Variants in ZNF160 observed in about 807,000 individuals in gnomAD.
The protein encoded by ZNF160 is zinc finger protein 160, also known as KRAB zinc finger protein KR18.
ZNF160 carries 9 observed loss-of-function variants against 13.1 expected under a neutral mutation model. The observed-to-expected ratio is 0.69, with a 90% CI of 0.41 to 1.20. The LOEUF is 1.20. Among genes scored for constraint, ZNF160 ranks in the 50% most tolerant of loss-of-function variants. ZNF160 has a pLI of 0.01. For missense variants in ZNF160, 838 were observed against 988.0 expected, an observed-to-expected ratio of 0.85 and a Z score of 2.04; for synonymous variants, 293 against 333.2, an observed-to-expected ratio of 0.88 and a Z score of 1.31.
chr19:53,092,158 T>C (rs868616311), intron 1 of ZNF160, among the ~76,000 whole-genome samples: 4 of 152,288 alleles, frequency 2.6e-5, no homozygotes, highest in South Asian at 4.1e-4. Flanking sequence ...CCAAAGAACA[T>C]AGATTACAAT....
intron 1 of ZNF160, among the ~76,000 whole-genome samples, chr19:53,094,554 T>C (rs1397857496): frequency 6.6e-6 from 1 of 152,186 alleles, no homozygotes; most frequent in Non-Finnish European, 1.5e-5. Context: ...AATGGTAGGA[T>C]GCCTGTCTCC....
intron 2 of ZNF160, among the ~76,000 whole-genome samples, chr19:53,090,768 C>T (rs531780207): frequency 6.6e-6 from 1 of 152,280 alleles, no homozygotes; most frequent in African/African-American, 2.4e-5. Flanking sequence ...GACTCTCTTG[C>T]ACCGGAGCTG....
Position 53,070,167 on chromosome 19 carries a change from T to G in ZNF160, c.367A>C (p.Ser123Arg). The G allele has an allele frequency of 6.2e-7, 1 of 1,614,132 alleles. No homozygotes were observed. The highest frequency in any genetic ancestry group is 2.2e-5 in the East Asian group (1 of 44,878). The change falls in exon 6 of 6, where the codon AGC becomes CGC. Residue 123 changes from serine to arginine, a missense_variant. By Grantham distance (110) the Ser-to-Arg change is moderately radical (BLOSUM62 -1). Coordinates refer to ENST00000683776, the MANE Select transcript of ZNF160 (RefSeq NM_001322131.2). ...AAGGAAAAGTCTTCAATGTCAGGGCTTTCGTGTCTTTCCAACACCACTGTG... is the reference window on the plus strand; with the variant it reads ...AAGGAAAAGTCTTCAATGTCAGGGCGTTCGTGTCTTTCCAACACCACTGTG... ...FHTVVLERHESPDIEDFSFKE... is the reference protein window; with the variant it reads ...FHTVVLERHERPDIEDFSFKE...
intron 1 of ZNF160, among the ~76,000 whole-genome samples, chr19:53,101,435 A>T (rs1044177223): frequency 4.7e-4 from 64 of 136,892 alleles, no homozygotes; most frequent in Non-Finnish European, 8.2e-4. Flanking sequence ...TATATATATT[A>T]TTTAATATGT....
intron 5 of ZNF160, among the ~76,000 whole-genome samples, chr19:53,073,923 C>A (rs1159558929): frequency 6.6e-6 from 1 of 152,098 alleles, no homozygotes; most frequent in Non-Finnish European, 1.5e-5. Context: ...GTAGCTGGGA[C>A]TACAGGCACA....
chr19:53,094,479 G>T (rs1431538276), intron 1 of ZNF160, among the ~76,000 whole-genome samples: 2 of 152,092 alleles, frequency 1.3e-5, no homozygotes, highest in African/African-American at 2.4e-5. Context: ...GCCCCACAGG[G>T]ACCATCCGCT....
intron 3 of ZNF160, chr19:53,075,790 A>G (rs2084365915): frequency 1.9e-6 from 1 of 518,916 alleles, no homozygotes. Flanking sequence ...AAGCAAACTA[A>G]TCAATTTCAA....
At chr19:53,100,721 G>A (rs1005134454) in intron 1 of ZNF160, among the ~76,000 whole-genome samples, 1 of 151,124 alleles carries the variant, frequency 6.6e-6, no homozygotes, top group Non-Finnish European at 1.5e-5. Flanking sequence ...GATGGCCGGC[G>A]TAGTGGCTCA....
chr19:53,069,488 G>A lies in ZNF160; in HGVS notation c.1046C>T (p.Ala349Val). The A allele has an allele frequency of 6.2e-7, 1 of 1,613,862 alleles. No homozygotes were observed. The highest frequency in any genetic ancestry group is 1.1e-5 in the South Asian group (1 of 91,060). The part of the protein sequence containing the change: ...KPYKCNECGK[A>V]FRGHSNLTTH... ...AGTTAGGTTTGAATGTCCTCTAAAG[G>A]CTTTTCCACACTCATTACACTTGTA... Residue 349 changes from alanine to valine, a missense_variant, in exon 6 of 6, where the codon GCC becomes GTC. Physicochemically the swap from Ala to Val is moderately conservative, Grantham distance 64. Transcript: ENST00000683776. This position sits in a 1 kb window ranked among gnomAD's most constrained non-coding sequence, Gnocchi z 4.4.
intron 2 of ZNF160, among the ~76,000 whole-genome samples, chr19:53,090,674 T>G (rs954030219): frequency 3.3e-5 from 5 of 151,974 alleles, no homozygotes; most frequent in Non-Finnish European, 4.4e-5. Context: ...GCCTGCAGGA[T>G]AGAGGGCAAG....
chr19:53,099,255 A>C (rs944542914), intron 1 of ZNF160, among the ~76,000 whole-genome samples: 4 of 152,304 alleles, frequency 2.6e-5, no homozygotes, highest in Middle Eastern at 3.4e-3. Flanking sequence ...GCTAGACCCG[A>C]AGGAGAAGAA....
chr19:53,075,666 C>G (rs1461751872), intron 3 of ZNF160: 12 of 506,766 alleles, frequency 2.4e-5, no homozygotes, highest in Non-Finnish European at 4.8e-5. Context: ...TCACTCCTTT[C>G]CCATATCTCA....
At chr19:53,098,764 G>C (rs1427581700) in intron 1 of ZNF160, among the ~76,000 whole-genome samples, 2 of 151,368 alleles carry the variant, frequency 1.3e-5, no homozygotes, top group African/African-American at 4.9e-5. Flanking sequence ...CAAAGCCCCT[G>C]CCCAGGATGG....
chr19:53,070,992 T>G (rs868443725), intron 5 of ZNF160, among the ~76,000 whole-genome samples: 9 of 151,642 alleles, frequency 5.9e-5, no homozygotes, highest in African/African-American at 1.4e-4. Context: ...GGTCAGGAGA[T>G]TGAGTCCAGC....
At position 53,096,727 on chromosome 19, in the gene ZNF160, G is replaced by A. The variant is rs1006766533; in HGVS notation, c.-353-5007C>T. Among the ~76,000 whole-genome samples, 33 of 127,434 alleles carry A rather than the reference G, an allele frequency of 2.6e-4. 10 individuals carry two copies. Among genetic ancestry groups the A allele is most frequent in the Admixed American group, 7.7e-4 (10 of 13,056 alleles). 83.6% of individuals were successfully genotyped at this position (127,434 alleles called of 152,430 possible). A position where few individuals can be genotyped will look rare whatever the true frequency, so the allele number is the denominator to read the frequency against. On this transcript the variant is annotated intron_variant, in intron 1 of 5. Transcript: ENST00000683776. ...AGAAAGGCAGGCAGGAGACCTGAGG[G>A]AGGGGAGAAAGGAGAGAGACAAACA...
At chr19:53,075,369 G>A in intron 3 of ZNF160, 186 bp from the exon 4 acceptor site, 1 of 638,366 alleles carries the variant, frequency 1.6e-6, no homozygotes, top group Non-Finnish European at 2.7e-6. Context: ...GAGCTCACTT[G>A]AAATCAGTGG....
At chr19:53,070,400 G>C in intron 5 of ZNF160, 138 bp from the exon 6 acceptor site, 1 of 888,590 alleles carries the variant, frequency 1.1e-6, no homozygotes, top group South Asian at 2.4e-5. Flanking sequence ...AATTTCAATT[G>C]TTAGGAACAA....
intron 3 of ZNF160, 60 bp downstream of exon 3, chr19:53,086,202 G>A: frequency 6.5e-7 from 1 of 1,532,940 alleles, no homozygotes; most frequent in Middle Eastern, 1.7e-4. Flanking sequence ...GATTCGCAAT[G>A]CCAATGCCAG....
chr19:53,083,409 G>A (rs2084708298), intron 3 of ZNF160, among the ~76,000 whole-genome samples: 1 of 152,192 alleles, frequency 6.6e-6, no homozygotes, highest in South Asian at 2.1e-4. Context: ...AGCTGTATAT[G>A]CCAGGAACTG....
Sources: allele counts gnomAD v4.1 joint callset (sites outside exome capture counted in the v4.1 genomes callset), GRCh38; gene constraint gnomAD v4.1.1; non-coding constraint Gnocchi (gnomAD v3.1); transcripts MANE v1.5; gene names NCBI Gene and HGNC (gene_info 2026-07-23, HGNC 2026-07-21).